Variants in CYP4Z1 observed in about 807,000 individuals in gnomAD.
CYP4Z1 encodes cytochrome P450 4Z1.
CYP4Z1 carries 41 observed loss-of-function variants against 54.2 expected under a neutral mutation model. That is an observed-to-expected ratio of 0.76 (90% CI 0.59 to 0.98). The LOEUF (loss-of-function observed/expected upper bound fraction) is 0.98. Ranked by LOEUF, CYP4Z1 falls within the 50% of genes least tolerant of loss-of-function variation. The pLI is 0.00. For synonymous variants in CYP4Z1, 163 were observed against 206.2 expected (o/e 0.79, Z 1.79); for missense variants, 513 against 599.0 (o/e 0.86, Z 1.50).
intron 8 of CYP4Z1, among the ~76,000 whole-genome samples, chr1:47,100,133 AT>A (rs1417814003): frequency 6.6e-6 from 1 of 152,154 alleles, no homozygotes; most frequent in African/African-American, 2.4e-5. Flanking sequence ...AAAATCATAC[AT>A]TCTTTTGTTT....
At position 47,068,629 on chromosome 1, in the gene CYP4Z1, C is replaced by G. The variant is rs74509104; in HGVS notation, c.185C>G (p.Pro62Arg). ...TGACTTATCTTATGACAGTTTTACC[C>G]AGTAAAGGAGTTTGAGGTGTATCAT... ...HWFYGHKEFY[P>R]VKEFEVYHKL... The change falls in exon 2 of 12, where the codon CCA becomes CGA. Residue 62 changes from proline to arginine, a missense_variant. Pro to Arg is a moderately radical substitution (Grantham distance 103, BLOSUM62 -2). Transcript: ENST00000334194. The G allele has an allele frequency of 5.7e-4, 917 of 1,613,972 alleles. 12 individuals carry two copies. In the East Asian group the frequency reaches 0.016, roughly 29 times the overall value.
Position 47,099,154 on chromosome 1 carries a change from T to A in CYP4Z1, c.937T>A (p.Phe313Ile). ...DLQAEVKTFM[F>I]AGHDTTSSAI... ...CCAGGCTGAAGTGAAAACGTTCATG[T>A]TTGCAGGACATGACACCACATCCAG... The change falls in exon 8 of 12, where the codon TTT becomes ATT. Residue 313 changes from phenylalanine to isoleucine, a missense_variant. Physicochemically the swap from Phe to Ile is conservative, Grantham distance 21. Coordinates refer to ENST00000334194, the MANE Select transcript of CYP4Z1 (RefSeq NM_178134.3). The A allele has an allele frequency of 1.2e-6, 2 of 1,614,056 alleles. No individual in the cohort carries two copies. The highest frequency in any genetic ancestry group is 1.7e-6 in the Non-Finnish European group (2 of 1,179,986).
intron 2 of CYP4Z1, among the ~76,000 whole-genome samples, chr1:47,077,603 CTGTT>C (rs1462119733): frequency 6.6e-6 from 1 of 151,880 alleles, no homozygotes; most frequent in Non-Finnish European, 1.5e-5. Flanking sequence ...TAACATTTCA[CTGTT>C]TGTTTTTTAT....
At chr1:47,114,623 C>A (rs1165438966) in intron 9 of CYP4Z1, among the ~76,000 whole-genome samples, 5 of 120,402 alleles carry the variant, frequency 4.2e-5, no homozygotes, top group African/African-American at 1.3e-4. Flanking sequence ...ACCCCATCAA[C>A]AAGAAGGTGA....
At chr1:47,115,680 G>A in intron 10 of CYP4Z1, 87 bp downstream of exon 10, 1 of 1,247,864 alleles carries the variant, frequency 8.0e-7, no homozygotes, top group Non-Finnish European at 1.2e-6. Context: ...GAGCAGTTAG[G>A]ATAACGATCT....
intron 7 of CYP4Z1, chr1:47,096,595 A>T (rs1569735782): frequency 2.0e-5 from 3 of 149,474 alleles, no homozygotes; most frequent in East Asian, 3.9e-4. Context: ...TCATCCCATC[A>T]TCTAGATATT....
the CYP4Z1 span, among the ~76,000 whole-genome samples, chr1:47,057,335 A>AAAAAAAAAAAAATATATATAT: frequency 3.5e-5 from 1 of 28,486 alleles, no homozygotes; most frequent in Non-Finnish European, 8.4e-5. Flanking sequence ...AAGAAAAAAA[A>AAAAAAAAAAAAATATATATAT]ATATATATAT....
intron 9 of CYP4Z1, among the ~76,000 whole-genome samples, chr1:47,107,694 A>G (rs1427033000): frequency 6.6e-6 from 1 of 151,894 alleles, no homozygotes; most frequent in Non-Finnish European, 1.5e-5. Context: ...CAAGAAAATT[A>G]TTTTCTCTAC....
the CYP4Z1 span, among the ~76,000 whole-genome samples, chr1:47,057,363 T>A: frequency 9.6e-3 from 1,112 of 115,678 alleles, 84 homozygotes; most frequent in African/African-American, 0.031. Flanking sequence ...TATATATATA[T>A]ATATATATAT....
At chr1:47,101,677 A>C (rs561350396) in intron 8 of CYP4Z1, among the ~76,000 whole-genome samples, 33 of 152,304 alleles carry the variant, frequency 2.2e-4, no homozygotes, top group African/African-American at 6.7e-4. Flanking sequence ...TACAGTCTAT[A>C]CTGGAAAATA....
chr1:47,103,472 T>C (rs1359510259), intron 8 of CYP4Z1, among the ~76,000 whole-genome samples: 1 of 152,086 alleles, frequency 6.6e-6, no homozygotes, highest in Non-Finnish European at 1.5e-5. Context: ...GCCATCTTTT[T>C]CTATGATATC....
At chr1:47,088,604 T>A (rs1644615202) in intron 6 of CYP4Z1, among the ~76,000 whole-genome samples, 1 of 143,722 alleles carries the variant, frequency 7.0e-6, no homozygotes, top group Non-Finnish European at 1.5e-5. Flanking sequence ...ATTCTCCAAT[T>A]TTTTTTTGTT....
At chr1:47,096,242 AC>A (rs1644675826) in intron 7 of CYP4Z1, among the ~76,000 whole-genome samples, 1 of 152,092 alleles carries the variant, frequency 6.6e-6, no homozygotes, top group African/African-American at 2.4e-5. Context: ...ACATAGCAAG[AC>A]CCCAACTCTA....
intron 9 of CYP4Z1, among the ~76,000 whole-genome samples, chr1:47,111,191 A>T (rs1483147856): frequency 1.3e-5 from 2 of 148,626 alleles, no homozygotes; most frequent in Non-Finnish European, 3.0e-5. Flanking sequence ...CACATCTGCA[A>T]TTTTTTTTTT....
At chr1:47,076,844 C>CAAAAAAAAAAAAAAAAAAAAA (rs59854360) in intron 2 of CYP4Z1, among the ~76,000 whole-genome samples, 71 of 81,386 alleles carry the variant, frequency 8.7e-4, no homozygotes, top group East Asian at 2.1e-3. Flanking sequence ...GACGCTGTCT[C>CAAAAAAAAAAAAAAAAAAAAA]AAAAAAAAAA....
rs527919412 is a variant in CYP4Z1, at chr1:47,103,933, C to A, written c.1068-2195C>A. Among the ~76,000 whole-genome samples, 174 of 152,124 alleles carry A rather than the reference C, an allele frequency of 1.1e-3. 5 individuals carry two copies. Among genetic ancestry groups the A allele is most frequent in the Non-Finnish European group, 2.6e-4 (18 of 67,994 alleles). Reference sequence around the variant, plus strand: ...TTCTTTAGTGTCAATATTTTGAATTCTTTTCCCAGGATTTTGTAAATTTCT... The same window carrying A: ...TTCTTTAGTGTCAATATTTTGAATTATTTTCCCAGGATTTTGTAAATTTCT... On this transcript the variant is annotated intron_variant, in intron 8 of 11. Transcript: ENST00000334194.
At chr1:47,093,939 G>A (rs1322315324) in intron 6 of CYP4Z1, among the ~76,000 whole-genome samples, 1 of 152,174 alleles carries the variant, frequency 6.6e-6, no homozygotes, top group Non-Finnish European at 1.5e-5. Flanking sequence ...TCCAGGCATA[G>A]AACTTTGTCA....
chr1:47,089,825 A>C (rs1372597992), intron 6 of CYP4Z1, among the ~76,000 whole-genome samples: 3 of 152,262 alleles, frequency 2.0e-5, no homozygotes, highest in African/African-American at 4.8e-5. Context: ...AGGCAGTAGC[A>C]AGAAAGAATT....
upstream of CYP4Z1, among the ~76,000 whole-genome samples, chr1:47,066,839 A>G (rs1490605304): frequency 6.6e-6 from 1 of 152,120 alleles, no homozygotes; most frequent in African/African-American, 2.4e-5. Context: ...GTACACCAGC[A>G]GCAACCAAGC....
Sources: gnomAD v4.1 joint callset for allele counts (sites outside exome capture counted in the v4.1 genomes callset) on GRCh38, gnomAD v4.1.1 for gene constraint, MANE v1.5 for transcripts, NCBI Gene and HGNC (gene_info 2026-07-23, HGNC 2026-07-21) for gene names.